Variants in PCDHGA1 observed in about 807,000 individuals in gnomAD.
The protein encoded by PCDHGA1 is protocadherin gamma-A1.
In PCDHGA1, 32 loss-of-function variants were observed where a neutral mutation model predicts 58.0. The ratio of observed to expected loss-of-function variants is 0.55; its 90% confidence interval spans 0.42 to 0.74. The LOEUF (loss-of-function observed/expected upper bound fraction) is 0.74, where lower values mean the gene tolerates loss of function less well. Ranked by LOEUF, PCDHGA1 falls within the 30% of genes least tolerant of loss-of-function variation. PCDHGA1 has a pLI of 0.00. For synonymous variants in PCDHGA1, 498 were observed against 501.1 expected (o/e 0.99, Z 0.08); for missense variants, 1,205 against 1,182.3 (o/e 1.02, Z -0.28).
At chr5:141,371,576 C>T in intron 1 of PCDHGA1, 2 of 1,613,882 alleles carry the variant, frequency 1.2e-6, no homozygotes, top group Non-Finnish European at 1.7e-6. Flanking sequence ...CCTTTAAAAT[C>T]GTTCAAGATA....
rs899154780 is a variant in PCDHGA1, at chr5:141,402,932, A to C, written c.2421+69827A>C. ...AGCGCGCACAGAGATCCTTTTGAGAAAATTCCAAAGCGAGGCAGCAATGGC... is the reference window on the plus strand; with the variant it reads ...AGCGCGCACAGAGATCCTTTTGAGACAATTCCAAAGCGAGGCAGCAATGGC... On this transcript the variant is annotated intron_variant, in intron 1 of 3. Coordinates refer to ENST00000517417, the MANE Select transcript of PCDHGA1 (RefSeq NM_018912.3). 3 of 1,584,974 alleles carry C rather than the reference A, an allele frequency of 1.9e-6. No individual in the cohort carries two copies. In the Admixed American group the frequency reaches 5.4e-5, roughly 29 times the overall value.
At chr5:141,374,378 A>ACCCCCC (rs1425489237) in intron 1 of PCDHGA1, 1 of 1,614,038 alleles carries the variant, frequency 6.2e-7, no homozygotes, top group Admixed American at 1.7e-5. Context: ...CTGTGCTCAG[A>ACCCCCC]GCCCGCGGTG....
In PCDHGA1 at chr5:141,505,470, C is replaced by T. The variant is rs1241228956; in HGVS notation, c.2558C>T (p.Ala853Val). Reference protein sequence around the residue: ...DTEMLQAMILASASEAADGSS... With the variant: ...DTEMLQAMILVSASEAADGSS... ...GAGATGCTGCAAGCCATGATCTTGG[C>T]GTCCGCCAGTGGTAAGTGGTGTCAG... The change falls in exon 3 of 4, where the codon GCG becomes GTG. Residue 853 changes from alanine (A) to valine (V), a missense_variant. By Grantham distance (64) the Ala-to-Val change is moderately conservative. Transcript: ENST00000517417. 2 of 1,614,068 alleles carry T rather than the reference C, an allele frequency of 1.2e-6. No individual in the cohort carries two copies. Among genetic ancestry groups the T allele is most frequent in the Non-Finnish European group, 8.5e-7 (1 of 1,180,010 alleles).
At chr5:141,410,413 T>C (rs1229133377) in intron 1 of PCDHGA1, 10 of 1,613,938 alleles carry the variant, frequency 6.2e-6, no homozygotes, top group Non-Finnish European at 8.5e-6. Context: ...AGTCTGGACC[T>C]GTAGTTCCCC....
In PCDHGA1 at chr5:141,364,730, C is replaced by T. The variant is rs374170303; in HGVS notation, c.2421+31625C>T. On this transcript the variant is annotated intron_variant, in intron 1 of 3. Coordinates refer to ENST00000517417, the MANE Select transcript of PCDHGA1 (RefSeq NM_018912.3). ...TATTAATGATAACTTCCCGCGTTTC[C>T]GGGATGAAGAGTTAAAAGTAAAAGT... is the stretch of plus-strand genomic sequence containing the variant. The T allele has an allele frequency of 1.9e-6, 3 of 1,613,720 alleles. No individual in the cohort carries two copies. In the African/African-American group the frequency reaches 4.0e-5, roughly 22 times the overall value.
chr5:141,426,817 C>G (rs942714141), intron 1 of PCDHGA1: 4 of 456,594 alleles, frequency 8.8e-6, no homozygotes, highest in Non-Finnish European at 1.8e-5. Flanking sequence ...GAACATTTCT[C>G]TCTGATGATG....
rs1286991812 is a variant in PCDHGA1 at position 141,432,170 on chromosome 5, C to T, written c.2422-62637C>T. The T allele has an allele frequency of 1.2e-6, 2 of 1,614,072 alleles. No homozygotes were observed. The highest frequency in any genetic ancestry group is 1.7e-6 in the Non-Finnish European group (2 of 1,180,036). ...AGAGAACAATCCCAGAGGAGTTTCC[C>T]TCGTCTCTGTGACCGCCCACGACCC... On this transcript the variant is annotated intron_variant, in intron 1 of 3. Coordinates refer to ENST00000517417, the MANE Select transcript of PCDHGA1 (RefSeq NM_018912.3). This position sits in a 1 kb window ranked among gnomAD's most constrained non-coding sequence, Gnocchi z 6.0.
intron 1 of PCDHGA1, chr5:141,376,149 TCA>T (rs1772336007): frequency 1.2e-6 from 2 of 1,613,934 alleles, no homozygotes; most frequent in Non-Finnish European, 1.7e-6. Context: ...GATTCGGACC[TCA>T]CTCTGTACCT....
Position 141,330,852 on chromosome 5 carries a change from C to T in PCDHGA1, c.168C>T (p.Pro56=). 1 of 1,614,152 alleles carries T rather than the reference C, an allele frequency of 6.2e-7. No individual in the cohort carries two copies. Among genetic ancestry groups the T allele is most frequent in the Non-Finnish European group, 8.5e-7 (1 of 1,180,034 alleles). ...GNIAKDLGLQ[P]QELADGGVRI... is the part of the protein sequence containing the mutation. ...TCGCCAAGGACCTAGGGCTGCAACC[C>T]CAGGAGCTGGCAGATGGCGGAGTCC... Residue 56 remains proline (P), a synonymous_variant, in exon 1 of 4, where the codon CCC becomes CCT. Coordinates refer to ENST00000517417, the MANE Select transcript of PCDHGA1 (RefSeq NM_018912.3).
At chr5:141,361,081 A>T (rs1273300607) in intron 1 of PCDHGA1, 5 of 1,613,948 alleles carry the variant, frequency 3.1e-6, no homozygotes, top group Non-Finnish European at 4.2e-6. Flanking sequence ...AAGTAGTTAC[A>T]CTCTGAGTAT....
At chr5:141,451,091 G>A (rs2098706622) in intron 1 of PCDHGA1, among the ~76,000 whole-genome samples, 1 of 151,962 alleles carries the variant, frequency 6.6e-6, no homozygotes, top group South Asian at 2.1e-4. Context: ...ACCTCCCAAA[G>A]TGTTGGGATT....
intron 1 of PCDHGA1, chr5:141,367,040 T>C: frequency 2.8e-6 from 1 of 353,316 alleles, no homozygotes; most frequent in Non-Finnish European, 5.1e-6. Flanking sequence ...TGCAGTTCTA[T>C]TAATAGAAAA....
Position 141,489,454 on chromosome 5 carries a change from G to C in PCDHGA1, c.2422-5353G>C, listed in dbSNP as rs1177748773. 1 of 1,613,940 alleles carries C rather than the reference G, an allele frequency of 6.2e-7. No homozygotes were observed. The highest frequency in any genetic ancestry group is 1.3e-5 in the African/African-American group (1 of 74,906). On this transcript the variant is annotated intron_variant, in intron 1 of 3. Transcript: ENST00000517417. This position sits in a 1 kb window ranked among gnomAD's most constrained non-coding sequence, Gnocchi z 4.5. ...GCTGCAATTGGGCTCTGAGGAGAAT[G>C]GGCGCTATTTTTCCCTGAGCTTGAT...
chr5:141,399,695 C>G, intron 1 of PCDHGA1: 1 of 1,613,480 alleles, frequency 6.2e-7, no homozygotes, highest in South Asian at 1.1e-5. Flanking sequence ...CAGCTGCGCA[C>G]CTTCGAACTC....
chr5:141,395,248 T>A, intron 1 of PCDHGA1: 1 of 1,561,360 alleles, frequency 6.4e-7, no homozygotes, highest in Non-Finnish European at 8.7e-7. Flanking sequence ...GTGAGTTTAG[T>A]TCTTTGCTTG....
chr5:141,453,701 AAC>A (rs1250174252), intron 1 of PCDHGA1, among the ~76,000 whole-genome samples: 1 of 152,240 alleles, frequency 6.6e-6, no homozygotes, highest in Non-Finnish European at 1.5e-5. Context: ...CCTGGCTTTG[AAC>A]AGTTTCACTA....
In PCDHGA1 at chr5:141,393,675, C is replaced by T. The variant is rs755191809; in HGVS notation, c.2421+60570C>T. The stretch of plus-strand genomic sequence containing the variant: ...CAAATTCCGGAAAATTAATGAAAAA[C>T]AAACTCCGTTATTCCAGCTTAATGA... On this transcript the variant is annotated intron_variant, in intron 1 of 3. Transcript: ENST00000517417. 4 of 1,613,756 alleles carry T rather than the reference C, an allele frequency of 2.5e-6. No individual in the cohort carries two copies. The South Asian group carries it at 3.3e-5, about 13-fold the overall frequency.
intron 1 of PCDHGA1, among the ~76,000 whole-genome samples, chr5:141,446,175 G>A (rs1288608276): frequency 1.3e-5 from 2 of 152,276 alleles, no homozygotes; most frequent in Non-Finnish European, 2.9e-5. Context: ...AGGGCAGGGG[G>A]TGTTTTGTTT....
At chr5:141,421,267 C>A in intron 1 of PCDHGA1, 1 of 1,611,374 alleles carries the variant, frequency 6.2e-7, no homozygotes, top group South Asian at 1.1e-5. Flanking sequence ...CAGTCGGCTG[C>A]TGCTGCTGCT....
Sources: gnomAD v4.1 joint callset for allele counts (sites outside exome capture counted in the v4.1 genomes callset) on GRCh38, gnomAD v4.1.1 for gene constraint, Gnocchi (gnomAD v3.1) non-coding constraint, MANE v1.5 for transcripts, NCBI Gene and HGNC (gene_info 2026-07-23, HGNC 2026-07-21) for gene names.